Variants in MMP8 observed in about 807,000 individuals in gnomAD.
MMP8 encodes the protein matrix metallopeptidase 8.
In MMP8, 67 loss-of-function variants were observed where a neutral mutation model predicts 51.2. The ratio of observed to expected loss-of-function variants is 1.31; its 90% CI spans 1.08 to 1.60. The LOEUF (loss-of-function observed/expected upper bound fraction) is 1.60. MMP8 is among the 40% of genes most tolerant of loss of function. The pLI, the probability that MMP8 is intolerant of heterozygous loss-of-function variation, is 0.00. For missense variants in MMP8, 654 were observed against 558.1 expected, an observed-to-expected ratio of 1.17 and a Z score of -1.73; for synonymous variants, 225 against 191.0, an observed-to-expected ratio of 1.18 and a Z score of -1.47.
At chr11:102,721,904 G>T in intron 2 of MMP8, 142 bp from the exon 3 acceptor site, 1 of 916,578 alleles carries the variant, frequency 1.1e-6, no homozygotes, top group Non-Finnish European at 1.6e-6. Flanking sequence ...AGGTCTCAGG[G>T]TGGAGGACAG....
chr11:102,713,666 C>T (rs1861191510), intron 9 of MMP8, 88 bp downstream of exon 9: 1 of 1,210,184 alleles, frequency 8.3e-7, no homozygotes, highest in Non-Finnish European at 1.2e-6. Flanking sequence ...AGGAGTTTGA[C>T]ACTAACCTGG....
Position 102,716,422 on chromosome 11 carries a change from G to GGA in MMP8, c.785-5_785-4dup. ...TTGGATAGGGTTGCTTGAAAGTCCT[G>GGA]GAAAAAAAAAAAAAAAAAAAAAAAA... On this transcript the variant is annotated splice_region_variant and splice_polypyrimidine_tract_variant and intron_variant, in intron 5 of 9. Coordinates refer to ENST00000236826, the MANE Select transcript of MMP8 (RefSeq NM_002424.3). 1.6e-5 allele frequency: 8 copies of GGA among 495,846 alleles called. No homozygotes were observed. The South Asian group carries it at 2.1e-4, about 13-fold the overall frequency. The allele number at this position is 495,846 out of a possible 1,614,324, so 30.7% of individuals were successfully genotyped here. A position where few individuals can be genotyped will look rare whatever the true frequency, so the allele number is the denominator to read the frequency against.
Position 102,716,324 on chromosome 11 carries a change from C to T in MMP8, c.880G>A (p.Glu294Lys). 6.3e-7 allele frequency: 1 copy of T among 1,597,238 alleles called. No homozygotes were observed. Among genetic ancestry groups the T allele is most frequent in the Non-Finnish European group, 8.5e-7 (1 of 1,170,296 alleles). Reference protein sequence around the residue: ...TFDAITTLRGEILFFKDRYFW... With the variant: ...TFDAITTLRGKILFFKDRYFW... ...TACCTGTCTTTAAAGAAAAGTATTT[C>T]TCCACGGAGTGTGGTGATAGCATCA... The change falls in exon 6 of 10, where the codon GAA becomes AAA. Residue 294 changes from glutamate to lysine, a missense_variant. By Grantham distance (56) the Glu-to-Lys change is moderately conservative. Transcript: ENST00000236826.
Position 102,716,984 on chromosome 11 carries a change from G to A in MMP8, c.785-565C>T, listed in dbSNP as rs34808239. ...TTGGGGTGGGCAGGAGGAAGAAATTGGGGAATAGAGGCAGTTAGGATAGGC... is the reference window on the plus strand; with the variant it reads ...TTGGGGTGGGCAGGAGGAAGAAATTAGGGAATAGAGGCAGTTAGGATAGGC... On this transcript the variant is annotated intron_variant, in intron 5 of 9. Coordinates refer to ENST00000236826, the MANE Select transcript of MMP8 (RefSeq NM_002424.3). Among the ~76,000 whole-genome samples, 355 of 152,252 alleles carry A rather than the reference G, an allele frequency of 2.3e-3. 2 individuals carry two copies. The highest frequency in any genetic ancestry group is 4.1e-3 in the Non-Finnish European group (282 of 68,014).
Position 102,713,395 on chromosome 11 carries a change from T to C in MMP8, c.1357A>G (p.Thr453Ala). ...YAFDLIAQRVTRVARGNKWLN... is the reference protein window; with the variant it reads ...YAFDLIAQRVARVARGNKWLN... ...CATTTATTGCCTCTTGCAACTCTGG[T>C]AACTCTCTGAGCAATAAGATCAAAT... Residue 453 changes from threonine (T) to alanine (A), a missense_variant, in exon 10 of 10, where the codon ACC becomes GCC. Physicochemically the swap from Thr to Ala is moderately conservative, Grantham distance 58. Transcript: ENST00000236826. 1 of 1,613,754 alleles carries C rather than the reference T, an allele frequency of 6.2e-7. No homozygotes were observed. The highest frequency in any genetic ancestry group is 8.5e-7 in the Non-Finnish European group (1 of 1,179,716).
At chr11:102,721,107 TA>T (rs1235370982) in intron 4 of MMP8, among the ~76,000 whole-genome samples, 9 of 152,208 alleles carry the variant, frequency 5.9e-5, no homozygotes, top group Admixed American at 5.9e-4. Flanking sequence ...CCTGTTTCAA[TA>T]AAACTTTATT....
chr11:102,722,355 G>T, intron 2 of MMP8, 74 bp downstream of exon 2: 1 of 1,489,170 alleles, frequency 6.7e-7, no homozygotes, highest in Non-Finnish European at 9.1e-7. Flanking sequence ...TGTATCCCAA[G>T]AACAGTGTCT....
At chr11:102,721,873 G>T (rs1251255350) in intron 2 of MMP8, 111 bp from the exon 3 acceptor site, 1 of 1,265,542 alleles carries the variant, frequency 7.9e-7, no homozygotes, top group Admixed American at 2.1e-5. Context: ...GCTACCACTG[G>T]AGAGGATAAG....
chr11:102,721,694 A>G lies in MMP8; in HGVS notation c.416T>C (p.Leu139Pro). 3 of 1,613,854 alleles carry G rather than the reference A, an allele frequency of 1.9e-6. No individual in the cohort carries two copies. Among genetic ancestry groups the G allele is most frequent in the Non-Finnish European group, 1.7e-6 (2 of 1,179,866 alleles). Reference protein sequence around the residue: ...VERAIKDAFELWSVASPLIFT... With the variant: ...VERAIKDAFEPWSVASPLIFT... ...GATGAGAGGTGATGCAACACTCCAGAGTTCAAAGGCATCCTTGATAGCTCT... is the reference window on the plus strand; with the variant it reads ...GATGAGAGGTGATGCAACACTCCAGGGTTCAAAGGCATCCTTGATAGCTCT... Residue 139 changes from leucine to proline, a missense_variant, in exon 3 of 10, where the codon CTC becomes CCC. Coordinates refer to ENST00000236826, the MANE Select transcript of MMP8 (RefSeq NM_002424.3).
In MMP8 at chr11:102,724,799, C is replaced by T; in HGVS notation, c.57G>A (p.Lys19=). ...TCTCTTTAGAAGATACAGGAAAGGC[C>T]TTGGAAATCTGCACATGGAGTAAGA... ...FLLLLHVQIS[K]AFPVSSKEKN... The change falls in exon 1 of 10, where the codon AAG becomes AAA. Residue 19 remains lysine, a synonymous_variant. Transcript: ENST00000236826. 1 of 1,608,190 alleles carries T rather than the reference C, an allele frequency of 6.2e-7. No homozygotes were observed. The highest frequency in any genetic ancestry group is 1.1e-5 in the South Asian group (1 of 89,770).
At position 102,724,309 on chromosome 11, in the gene MMP8, C is replaced by T. The variant is rs972052181; in HGVS notation, c.102+445G>A. 3.3e-5 allele frequency among the ~76,000 whole-genome samples: 5 copies of T among 152,122 alleles called. No homozygotes were observed. In the South Asian group the frequency reaches 1.0e-3, roughly 31 times the overall value. On this transcript the variant is annotated intron_variant, in intron 1 of 9. Transcript: ENST00000236826. Reference sequence around the variant, plus strand: ...ATATGATTTTACTGTGTACTGATTTCTAGTTCATTGTAATCTACCATCCTC... The same window carrying T: ...ATATGATTTTACTGTGTACTGATTTTTAGTTCATTGTAATCTACCATCCTC...
Position 102,715,397 on chromosome 11 carries a change from T to C in MMP8, c.943A>G (p.Met315Val), listed in dbSNP as rs773716833. The C allele has an allele frequency of 1.3e-5, 21 of 1,613,608 alleles. No homozygotes were observed. The highest frequency in any genetic ancestry group is 1.7e-5 in the Non-Finnish European group (20 of 1,179,796). ...RRHPQLQRVE[M>V]NFISLFWPSL... Reference sequence around the variant, plus strand: ...GGCCAGAATAGAGAAATAAAATTCATTTCGACTCTTTGTAGCTGAGGATGC... The same window carrying C: ...GGCCAGAATAGAGAAATAAAATTCACTTCGACTCTTTGTAGCTGAGGATGC... Residue 315 changes from methionine (M) to valine (V), a missense_variant, in exon 7 of 10, where the codon ATG becomes GTG. Transcript: ENST00000236826.
intron 5 of MMP8, 150 bp downstream of exon 5, chr11:102,718,264 C>A: frequency 1.2e-6 from 1 of 847,856 alleles, no homozygotes; most frequent in Non-Finnish European, 1.8e-6. Flanking sequence ...TCCCTCACAC[C>A]TTCTTTGTTA....
intron 8 of MMP8, among the ~76,000 whole-genome samples, chr11:102,714,348 T>C (rs1431770991): frequency 1.3e-5 from 2 of 152,172 alleles, no homozygotes; most frequent in Non-Finnish European, 2.9e-5. Flanking sequence ...GAATCCTCAA[T>C]ACTATTGCAT....
At chr11:102,722,285 T>C (rs907647445) in intron 2 of MMP8, 144 bp downstream of exon 2, 13 of 912,512 alleles carry the variant, frequency 1.4e-5, no homozygotes, top group Non-Finnish European at 2.1e-5. Context: ...ATTTTCATTC[T>C]CATATTCATT....
intron 4 of MMP8, among the ~76,000 whole-genome samples, chr11:102,721,133 T>C (rs34359519): frequency 8.0e-4 from 122 of 152,164 alleles, no homozygotes; most frequent in African/African-American, 2.7e-3. Context: ...CAGACAGGGG[T>C]CAGGCAGGAT....
Position 102,718,583 on chromosome 11 carries a change from G to T in MMP8, c.623-8C>A. 6.2e-7 allele frequency: 1 copy of T among 1,613,710 alleles called. No individual in the cohort carries two copies. Among genetic ancestry groups the T allele is most frequent in the Non-Finnish European group, 8.5e-7 (1 of 1,179,730 alleles). ...CAAGAAACAAGTTGTAATCTGAAAT[G>T]CAAACACGGGTGGTAAACAGCTCAG... is the stretch of plus-strand genomic sequence containing the variant. On this transcript the variant is annotated splice_region_variant and splice_polypyrimidine_tract_variant and intron_variant, in intron 4 of 9. Coordinates refer to ENST00000236826, the MANE Select transcript of MMP8 (RefSeq NM_002424.3).
At chr11:102,719,008 A>T (rs541495267) in intron 4 of MMP8, among the ~76,000 whole-genome samples, 1 of 152,262 alleles carries the variant, frequency 6.6e-6, no homozygotes, top group African/African-American at 2.4e-5. Flanking sequence ...CCAGCCCAGC[A>T]GTGGAGCAGC....
chr11:102,716,475 G>A, intron 5 of MMP8, 56 bp from the exon 6 acceptor site: 1 of 1,136,750 alleles, frequency 8.8e-7, no homozygotes, highest in Non-Finnish European at 1.3e-6. Context: ...TAAGTCCGGT[G>A]TGACTCTTGG....
Sources: allele counts gnomAD v4.1 joint callset (sites outside exome capture counted in the v4.1 genomes callset), GRCh38; gene constraint gnomAD v4.1.1; transcripts MANE v1.5; gene names NCBI Gene and HGNC (gene_info 2026-07-23, HGNC 2026-07-21).